Variants in KCNIP4 observed in about 807,000 individuals in gnomAD.
KCNIP4 encodes potassium voltage-gated channel interacting protein 4.
KCNIP4 carries 12 observed loss-of-function variants against 34.0 expected under a neutral mutation model. That is an observed-to-expected ratio of 0.35 (90% CI 0.23 to 0.57). KCNIP4 has a LOEUF of 0.57. Ranked by LOEUF, KCNIP4 falls within the 20% of genes least tolerant of loss-of-function variation. KCNIP4 has a pLI of 0.83. For synonymous variants in KCNIP4, 124 were observed against 102.2 expected (o/e 1.21, Z -1.29); for missense variants, 238 against 311.7 (o/e 0.76, Z 1.78).
rs5856652 is a variant in KCNIP4 at position 21,629,849 on chromosome 4, C to CTTTTTTTTTTTTTTT, written c.61+318707_61+318721dup. Reference sequence around the variant, plus strand: ...ACCATATTTCCTTTTCTTTTTCTTTCTTTTTTTTTTTTTTTTTTTGAGACA... The same window carrying CTTTTTTTTTTTTTTT: ...ACCATATTTCCTTTTCTTTTTCTTTCTTTTTTTTTTTTTTTTTTTTTTTTTTTTTTTTTTGAGACA... On this transcript the variant is annotated intron_variant, in intron 1 of 8. Transcript: ENST00000382152. 2.9e-3 allele frequency among the ~76,000 whole-genome samples: 251 copies of CTTTTTTTTTTTTTTT among 87,766 alleles called. 8 individuals carry two copies. Among genetic ancestry groups the CTTTTTTTTTTTTTTT allele is most frequent in the East Asian group, 6.6e-3 (16 of 2,436 alleles). The allele number at this position is 87,766 out of a possible 152,430, so 57.6% of individuals were successfully genotyped here. A position where few individuals can be genotyped will look rare whatever the true frequency, so the allele number is the denominator to read the frequency against.
Position 21,116,202 on chromosome 4 carries a change from C to G in KCNIP4, c.62-233493G>C, listed in dbSNP as rs117146820. 1.1e-4 allele frequency among the ~76,000 whole-genome samples: 17 copies of G among 152,290 alleles called. No homozygotes were observed. In the East Asian group the frequency reaches 3.3e-3, roughly 29 times the overall value. ...ATTCCTTTTCTTGAAGAGTGCCCTC[C>G]AAACTGTTTAAGCTTCAGGTCCCAC... On this transcript the variant is annotated intron_variant, in intron 1 of 8. Coordinates refer to ENST00000382152, the MANE Select transcript of KCNIP4 (RefSeq NM_025221.6).
At chr4:20,925,138 C>T (rs1560574358) in intron 1 of KCNIP4, among the ~76,000 whole-genome samples, 1 of 152,094 alleles carries the variant, frequency 6.6e-6, no homozygotes, top group Non-Finnish European at 1.5e-5. Context: ...TCATTATATG[C>T]AAAGGTTACC....
intron 1 of KCNIP4, among the ~76,000 whole-genome samples, chr4:21,231,497 C>A (rs1758783852): frequency 6.6e-6 from 1 of 151,972 alleles, no homozygotes; most frequent in African/African-American, 2.4e-5. Flanking sequence ...TGAATATGTA[C>A]AGTAAACATT....
chr4:21,465,897 G>C (rs1303947309), intron 1 of KCNIP4, among the ~76,000 whole-genome samples: 1 of 152,166 alleles, frequency 6.6e-6, no homozygotes, highest in South Asian at 2.1e-4. Flanking sequence ...GGTCCTTCAT[G>C]TGCTCCAGCA....
intron 1 of KCNIP4, among the ~76,000 whole-genome samples, chr4:20,935,478 T>C (rs999582224): frequency 6.6e-6 from 1 of 152,150 alleles, no homozygotes; most frequent in Non-Finnish European, 1.5e-5. Context: ...TCCTACCTCT[T>C]AGAAATGTAT....
chr4:20,912,849 G>A (rs1560565227), intron 1 of KCNIP4, among the ~76,000 whole-genome samples: 1 of 152,122 alleles, frequency 6.6e-6, no homozygotes, highest in Non-Finnish European at 1.5e-5. Flanking sequence ...ATACTCATGG[G>A]TAAGGCTATA....
At chr4:20,975,699 C>T (rs977871116) in intron 1 of KCNIP4, among the ~76,000 whole-genome samples, 1 of 152,268 alleles carries the variant, frequency 6.6e-6, no homozygotes, top group Non-Finnish European at 1.5e-5. Context: ...AATAAGTCAT[C>T]AACCTGAGAC....
chr4:20,932,968 A>G (rs1730640357), intron 1 of KCNIP4, among the ~76,000 whole-genome samples: 1 of 152,118 alleles, frequency 6.6e-6, no homozygotes, highest in African/African-American at 2.4e-5. Context: ...GTAGAAGACC[A>G]GGCACAGTGG....
At chr4:21,381,418 T>C (rs1721493094) in intron 1 of KCNIP4, among the ~76,000 whole-genome samples, 1 of 152,184 alleles carries the variant, frequency 6.6e-6, no homozygotes, top group African/African-American at 2.4e-5. Flanking sequence ...GCTTTCATTC[T>C]CCAGGTAGTA....
At chr4:21,704,925 A>G (rs931299098) in intron 1 of KCNIP4, among the ~76,000 whole-genome samples, 3 of 152,198 alleles carry the variant, frequency 2.0e-5, no homozygotes, top group Non-Finnish European at 4.4e-5. Flanking sequence ...GGATGCTTAT[A>G]GCATTTTGAC....
intron 1 of KCNIP4, among the ~76,000 whole-genome samples, chr4:21,359,349 T>C (rs371097647): frequency 6.6e-6 from 1 of 152,064 alleles, no homozygotes; most frequent in Non-Finnish European, 1.5e-5. Context: ...AGATAGCAGA[T>C]TGTGGAACTT....
At chr4:21,579,034 T>C (rs946037051) in intron 1 of KCNIP4, among the ~76,000 whole-genome samples, 3 of 152,152 alleles carry the variant, frequency 2.0e-5, no homozygotes, top group Non-Finnish European at 2.9e-5. Context: ...TTGTTTCTTG[T>C]CTCCAACTTA....
At chr4:21,367,475 C>A (rs542664362) in intron 1 of KCNIP4, among the ~76,000 whole-genome samples, 1 of 130,898 alleles carries the variant, frequency 7.6e-6, no homozygotes, top group South Asian at 2.3e-4. Context: ...CTCTACCTAA[C>A]TGGACATACT....
chr4:21,229,725 G>T (rs968902381), intron 1 of KCNIP4, among the ~76,000 whole-genome samples: 1 of 152,096 alleles, frequency 6.6e-6, no homozygotes, highest in African/African-American at 2.4e-5. Flanking sequence ...CATTGGAGGC[G>T]AGAGTAAAAA....
At position 20,729,875 on chromosome 4, in the gene KCNIP4, C is replaced by CTGAACTCAGTGGCATTA; in HGVS notation, c.*190_*206dup. On this transcript the variant is annotated 3_prime_UTR_variant, in exon 9 of 9. Transcript: ENST00000382152. ...AGTATGAAATGAGTTAGACCATCCCCTGAACTCAGTGGCATTATGAAAAGG... is the reference window on the plus strand; with the variant it reads ...AGTATGAAATGAGTTAGACCATCCCCTGAACTCAGTGGCATTATGAACTCAGTGGCATTATGAAAAGG... 1 of 476,280 alleles carries CTGAACTCAGTGGCATTA rather than the reference C, an allele frequency of 2.1e-6. No homozygotes were observed. Among genetic ancestry groups the CTGAACTCAGTGGCATTA allele is most frequent in the Non-Finnish European group, 3.6e-6 (1 of 275,280 alleles). 29.5% of individuals were successfully genotyped at this position (476,280 alleles called of 1,614,324 possible).
At chr4:21,538,979 C>T (rs1204043384) in intron 1 of KCNIP4, among the ~76,000 whole-genome samples, 1 of 152,146 alleles carries the variant, frequency 6.6e-6, no homozygotes, top group Non-Finnish European at 1.5e-5. Flanking sequence ...ATTCTCCATG[C>T]TGTTCTCCTG....
chr4:21,904,443 T>C (rs1727880344), intron 1 of KCNIP4, among the ~76,000 whole-genome samples: 1 of 152,186 alleles, frequency 6.6e-6, no homozygotes, highest in Non-Finnish European at 1.5e-5. Context: ...TAGCAGACAT[T>C]AGCTGTTCCA....
At position 21,247,759 on chromosome 4, in the gene KCNIP4, T is replaced by TATATATATATAC. The variant is rs1366204923; in HGVS notation, c.62-365051_62-365050insGTATATATATAT. 4.7e-4 allele frequency among the ~76,000 whole-genome samples: 56 copies of TATATATATATAC among 120,000 alleles called. 1 individual carries two copies. The highest frequency in any genetic ancestry group is 1.5e-3 in the African/African-American group (42 of 28,038). 78.7% of individuals were successfully genotyped at this position (120,000 alleles called of 152,430 possible). A position where few individuals can be genotyped will look rare whatever the true frequency, so the allele number is the denominator to read the frequency against. ...GGATATATATATATATATATATATA[T>TATATATATATAC]ACACCCCACAGGTGTTTTTTATATA... On this transcript the variant is annotated intron_variant, in intron 1 of 8. Transcript: ENST00000382152.
rs1291805794 is a variant in KCNIP4, at chr4:20,729,425, TATTAAA to T, written c.*651_*656del. Reference sequence around the variant, plus strand: ...AACATATTATGGAAAATTAAATGCTTATTAAAATAAGTTTTATTAGGCATATGCTGA... The same window carrying T: ...AACATATTATGGAAAATTAAATGCTTATAAGTTTTATTAGGCATATGCTGA... On this transcript the variant is annotated 3_prime_UTR_variant, in exon 9 of 9. Coordinates refer to ENST00000382152, the MANE Select transcript of KCNIP4 (RefSeq NM_025221.6). 1.3e-5 allele frequency: 2 copies of T among 152,582 alleles called. No homozygotes were observed. Among genetic ancestry groups the T allele is most frequent in the Non-Finnish European group, 2.9e-5 (2 of 67,996 alleles). The allele number at this position is 152,582 out of a possible 1,614,324, so 9.5% of individuals were successfully genotyped here.
Sources: gnomAD v4.1 joint callset for allele counts (sites outside exome capture counted in the v4.1 genomes callset) on GRCh38, gnomAD v4.1.1 for gene constraint, MANE v1.5 for transcripts, NCBI Gene and HGNC (gene_info 2026-07-23, HGNC 2026-07-21) for gene names.